Variants in COL17A1 observed in about 807,000 individuals in gnomAD.
The protein encoded by COL17A1 is collagen alpha-1(XVII) chain.
Under a neutral mutation model 218.4 loss-of-function variants are expected in COL17A1, and 181 were observed. That is an observed-to-expected ratio of 0.83 (90% confidence interval 0.73 to 0.94). COL17A1 has a LOEUF of 0.94. Among genes scored for constraint, COL17A1 ranks in the 40% least tolerant of loss-of-function variants. COL17A1 has a pLI of 0.00. For missense variants in COL17A1, 1,924 were observed against 1,945.9 expected (o/e 0.99, Z 0.21); for synonymous variants, 721 against 731.0 (o/e 0.99, Z 0.22).
At chr10:104,080,506 A>T in intron 2 of COL17A1, 116 bp downstream of exon 2, 1 of 1,245,408 alleles carries the variant, frequency 8.0e-7, no homozygotes, top group Non-Finnish European at 1.1e-6. Context: ...TTAGGAACAC[A>T]CTTAAACATG....
At chr10:104,066,466 G>A (rs1305225451) in intron 9 of COL17A1, among the ~76,000 whole-genome samples, 3 of 152,186 alleles carry the variant, frequency 2.0e-5, no homozygotes, top group Non-Finnish European at 2.9e-5. Context: ...GATTGGGTGT[G>A]CCAAGCTTTA....
chr10:104,083,441 A>C (rs1173319518), intron 1 of COL17A1, among the ~76,000 whole-genome samples: 2 of 152,176 alleles, frequency 1.3e-5, no homozygotes, highest in South Asian at 4.1e-4. Context: ...TCAATTCCAA[A>C]ATTATACTAA....
intron 52 of COL17A1, 81 bp downstream of exon 52, chr10:104,033,864 G>A: frequency 6.3e-7 from 1 of 1,595,750 alleles, no homozygotes; most frequent in Non-Finnish European, 8.6e-7. Flanking sequence ...CAGCCTGGGG[G>A]TTCCACAAAC....
chr10:104,079,409 T>C (rs1024296692), intron 2 of COL17A1, among the ~76,000 whole-genome samples: 1 of 152,114 alleles, frequency 6.6e-6, no homozygotes, highest in Non-Finnish European at 1.5e-5. Flanking sequence ...GTGTGTGGCA[T>C]GCATGGGCAC....
chr10:104,052,866 C>T (rs1281181969), intron 23 of COL17A1, among the ~76,000 whole-genome samples, 165 bp downstream of exon 23: 2 of 152,212 alleles, frequency 1.3e-5, no homozygotes, highest in Non-Finnish European at 2.9e-5. Context: ...CCAGCCTATG[C>T]CCAGCGTCTC....
rs547446962 is a variant in COL17A1 at position 104,035,526 on chromosome 10, C to T, written c.3456G>A (p.Gly1152=). 42 of 1,613,364 alleles carry T rather than the reference C, an allele frequency of 2.6e-5. No homozygotes were observed. Among genetic ancestry groups the T allele is most frequent in the Non-Finnish European group, 3.0e-5 (35 of 1,179,778 alleles). ...AGGAGGTTCCCGGCAAGCCAGGGGGCCCCGGGGGACCAGGAAGCCCAATGC... is the reference window on the plus strand; with the variant it reads ...AGGAGGTTCCCGGCAAGCCAGGGGGTCCCGGGGGACCAGGAAGCCCAATGC... ...GISIGLPGPP[G]PPGLPGTSYE... Residue 1152 remains glycine, a synonymous_variant, in exon 49 of 56, where the codon GGG becomes GGA. Transcript: ENST00000648076.
intron 1 of COL17A1, among the ~76,000 whole-genome samples, 151 bp downstream of exon 1, chr10:104,085,572 T>C (rs2086799130): frequency 6.6e-6 from 1 of 152,218 alleles, no homozygotes; most frequent in Admixed American, 6.5e-5. Context: ...ACCAAAGTCA[T>C]CTTTTATAAC....
intron 1 of COL17A1, among the ~76,000 whole-genome samples, chr10:104,081,501 T>C (rs1017145243): frequency 1.3e-5 from 2 of 152,210 alleles, no homozygotes; most frequent in Admixed American, 6.5e-5. Flanking sequence ...GCTCAAGTCT[T>C]AAACACACAG....
intron 9 of COL17A1, among the ~76,000 whole-genome samples, chr10:104,065,719 G>T (rs922412964): frequency 1.3e-5 from 2 of 152,204 alleles, no homozygotes; most frequent in Admixed American, 6.5e-5. Flanking sequence ...ATATGGAATG[G>T]GTGACCAGCC....
rs774558265 is a variant in COL17A1 at position 104,053,147 on chromosome 10, G to A, written c.1835-12C>T. Reference sequence around the variant, plus strand: ...CATGCCAGGATCTCCTAAAGACAGGGATGGCCAGCCTCCAAGTCAGGATCC... The same window carrying A: ...CATGCCAGGATCTCCTAAAGACAGGAATGGCCAGCCTCCAAGTCAGGATCC... On this transcript the variant is annotated splice_polypyrimidine_tract_variant and intron_variant, in intron 22 of 55. Transcript: ENST00000648076. 3.1e-6 allele frequency: 5 copies of A among 1,611,528 alleles called. No homozygotes were observed. The South Asian group carries it at 5.5e-5, about 18-fold the overall frequency.
At chr10:104,040,286 T>TG in intron 40 of COL17A1, 65 bp downstream of exon 40, 1 of 1,216,000 alleles carries the variant, frequency 8.2e-7, no homozygotes, top group Non-Finnish European at 1.2e-6. Context: ...CAAACCCTCC[T>TG]GGCAACCAGC....
chr10:104,064,679 G>A (rs2134635595), intron 9 of COL17A1, 83 bp from the exon 10 acceptor site: 1 of 1,349,294 alleles, frequency 7.4e-7, no homozygotes, highest in South Asian at 1.2e-5. Context: ...CATTTTGCTG[G>A]GATTTCCTGG....
chr10:104,042,533 C>T (rs751245861), intron 35 of COL17A1, 78 bp from the exon 36 acceptor site: 108 of 1,456,844 alleles, frequency 7.4e-5, no homozygotes, highest in Non-Finnish European at 8.2e-5. Context: ...TAATTCCTCC[C>T]AAGGCATGGA....
chr10:104,080,586 TA>T, intron 2 of COL17A1, 35 bp downstream of exon 2: 1 of 1,607,512 alleles, frequency 6.2e-7, no homozygotes, highest in Non-Finnish European at 8.5e-7. Context: ...ACTTTCATAA[TA>T]AAACACATAA....
chr10:104,082,435 G>A (rs1184154136), intron 1 of COL17A1, among the ~76,000 whole-genome samples: 1 of 152,160 alleles, frequency 6.6e-6, no homozygotes, highest in Non-Finnish European at 1.5e-5. Flanking sequence ...TAAAAAAATA[G>A]GTAATAAGCT....
rs761411773 is a variant in COL17A1, at chr10:104,045,760, T to C, written c.2396A>G (p.Lys799Arg). Reference sequence around the variant, plus strand: ...ATCTCATTTGGAAATTCACTTACCTTTTATTCCTGGTCGGCCAGGGGTACC... The same window carrying C: ...ATCTCATTTGGAAATTCACTTACCTCTTATTCCTGGTCGGCCAGGGGTACC... ...LPGTPGRPGI[K>R]GEPGAPGKIV... Residue 799 changes from lysine (K) to arginine (R), a missense_variant and splice_region_variant, in exon 33 of 56, where the codon AAA becomes AGA. Physicochemically the swap from Lys to Arg is conservative, Grantham distance 26 (BLOSUM62 2). Coordinates refer to ENST00000648076, the MANE Select transcript of COL17A1 (RefSeq NM_000494.4). 6.2e-7 allele frequency: 1 copy of C among 1,611,478 alleles called. No individual in the cohort carries two copies. Among genetic ancestry groups the C allele is most frequent in the Non-Finnish European group, 8.5e-7 (1 of 1,177,506 alleles).
Position 104,036,489 on chromosome 10 carries a change from TA to T in COL17A1, c.3418+2del, listed in dbSNP as rs775244527. ...CCCAACCACCCCTCCTGCAGACACT[TA>T]CTCGACATGTAGCTGAGAATGCGAC... On this transcript the variant is annotated splice_donor_variant, in intron 48 of 55. Transcript: ENST00000648076. LOFTEE classifies it high-confidence loss of function. 5.8e-5 allele frequency: 93 copies of T among 1,613,838 alleles called. No individual in the cohort carries two copies. In the African/African-American group the frequency reaches 1.0e-3, roughly 18 times the overall value.
At chr10:104,081,880 A>G (rs571136790) in intron 1 of COL17A1, among the ~76,000 whole-genome samples, 135 of 152,334 alleles carry the variant, frequency 8.9e-4, no homozygotes, top group African/African-American at 3.2e-3. Context: ...AATCAGGATT[A>G]TGTCCTTCTT....
At chr10:104,062,071 G>A (rs1589571393) in intron 12 of COL17A1, among the ~76,000 whole-genome samples, 187 bp downstream of exon 12, 1 of 152,342 alleles carries the variant, frequency 6.6e-6, no homozygotes, top group East Asian at 1.9e-4. Context: ...TGACAGGACA[G>A]CCTTCCCTGT....
Sources: allele counts gnomAD v4.1 joint callset (sites outside exome capture counted in the v4.1 genomes callset), GRCh38; gene constraint gnomAD v4.1.1; transcripts MANE v1.5; gene names NCBI Gene and HGNC (gene_info 2026-07-23, HGNC 2026-07-21).